The following LINGO2 variants were observed in gnomAD, a reference collection of about 807,000 sequenced individuals.
LINGO2 encodes the protein leucine rich repeat and Ig domain containing 2, also known as leucine-rich repeat and immunoglobulin-like domain-containing nogo receptor-interacting protein 2.
LINGO2 carries 14 observed loss-of-function variants against 30.6 expected under a neutral mutation model. That is an observed-to-expected ratio of 0.46 (90% CI 0.30 to 0.72). The LOEUF (loss-of-function observed/expected upper bound fraction) is 0.72, where lower values mean the gene tolerates loss of function less well. LINGO2 is among the 30% of genes least tolerant of loss of function. The probability of loss-of-function intolerance (pLI) is 0.07; values close to 1 mark genes in which losing one functional copy is unlikely to be tolerated. For missense variants in LINGO2, 729 were observed against 751.7 expected, an observed-to-expected ratio of 0.97 and a Z score of 0.35; for synonymous variants, 317 against 288.5, an observed-to-expected ratio of 1.10 and a Z score of -1.00.
At chr9:28,580,903 G>T (rs1268297674) in intron 1 of LINGO2, among the ~76,000 whole-genome samples, 1 of 151,876 alleles carries the variant, frequency 6.6e-6, no homozygotes, top group Non-Finnish European at 1.5e-5. Context: ...AGTGACAGTT[G>T]AACCTTTAAA....
chr9:28,757,409 G>C, the LINGO2 span, among the ~76,000 whole-genome samples: 2 of 151,946 alleles, frequency 1.3e-5, no homozygotes, highest in Non-Finnish European at 2.9e-5. Flanking sequence ...TGGTTTTGGA[G>C]CCAGGATGGT....
chr9:28,079,093 T>C (rs1825704596), intron 4 of LINGO2, among the ~76,000 whole-genome samples: 1 of 145,020 alleles, frequency 6.9e-6, no homozygotes, highest in Non-Finnish European at 1.5e-5. Context: ...TAAGTGAAGA[T>C]ATATTTGTTA....
chr9:28,522,061 C>T (rs1820849769), intron 1 of LINGO2, among the ~76,000 whole-genome samples: 1 of 152,144 alleles, frequency 6.6e-6, no homozygotes, highest in African/African-American at 2.4e-5. Context: ...TTTTAAGTTG[C>T]CCAGTTCATG....
the LINGO2 span, among the ~76,000 whole-genome samples, chr9:29,150,595 A>C: frequency 2.0e-5 from 3 of 152,214 alleles, no homozygotes; most frequent in Non-Finnish European, 4.4e-5. Context: ...TCTGGAACTG[A>C]AAAATTCACG....
chr9:28,128,873 G>C (rs1482595620), intron 4 of LINGO2, among the ~76,000 whole-genome samples: 4 of 152,120 alleles, frequency 2.6e-5, no homozygotes, highest in Non-Finnish European at 5.9e-5. Context: ...ATGAACATTT[G>C]AGTCAGTGGA....
At chr9:28,428,558 G>T (rs985608458) in intron 2 of LINGO2, among the ~76,000 whole-genome samples, 1 of 152,130 alleles carries the variant, frequency 6.6e-6, no homozygotes, top group Non-Finnish European at 1.5e-5. Context: ...ACAACTGCTT[G>T]GCAATGCAGC....
At chr9:28,939,966 T>G in the LINGO2 span, among the ~76,000 whole-genome samples, 1 of 152,322 alleles carries the variant, frequency 6.6e-6, no homozygotes, top group Admixed American at 6.5e-5. Flanking sequence ...CTGTTTAATT[T>G]GTCAATACTT....
At chr9:28,029,675 A>AATTG (rs1823566880) in intron 4 of LINGO2, among the ~76,000 whole-genome samples, 1 of 152,204 alleles carries the variant, frequency 6.6e-6, no homozygotes, top group Non-Finnish European at 1.5e-5. Flanking sequence ...AGATAGTCAA[A>AATTG]ACTAATAATT....
chr9:28,050,868 A>T (rs959620764), intron 4 of LINGO2, among the ~76,000 whole-genome samples: 4 of 151,032 alleles, frequency 2.6e-5, no homozygotes, highest in African/African-American at 9.8e-5. Flanking sequence ...GATTTTATAT[A>T]AGTTGAAAGA....
At chr9:28,477,922 A>C (rs1431933788) in intron 1 of LINGO2, among the ~76,000 whole-genome samples, 2 of 152,082 alleles carry the variant, frequency 1.3e-5, no homozygotes, top group Admixed American at 6.6e-5. Context: ...GTTCTTTTCC[A>C]TTTTTCCACT....
chr9:27,993,874 A>C (rs1271781004), intron 5 of LINGO2, among the ~76,000 whole-genome samples: 1 of 152,076 alleles, frequency 6.6e-6, no homozygotes, highest in Non-Finnish European at 1.5e-5. Flanking sequence ...AGCACCTGGA[A>C]CATTTTGCAA....
At chr9:28,024,305 C>A (rs1823273683) in intron 4 of LINGO2, among the ~76,000 whole-genome samples, 1 of 152,168 alleles carries the variant, frequency 6.6e-6, no homozygotes, top group African/African-American at 2.4e-5. Flanking sequence ...AGGGTGGCAT[C>A]TAGTTTGTGC....
rs570142985 is a variant in LINGO2 at position 28,167,664 on chromosome 9, G to C, written c.-87+127544C>G. 5.3e-5 allele frequency among the ~76,000 whole-genome samples: 8 copies of C among 152,300 alleles called. No homozygotes were observed. In the East Asian group the frequency reaches 1.5e-3, roughly 29 times the overall value. ...GGCCTCCCAGAGTATTGGGATTACA[G>C]GTGTGAGCCACTGCACCCCACCTAT... On this transcript the variant is annotated intron_variant, in intron 4 of 5. Transcript: ENST00000379992.
chr9:29,034,097 C>A, the LINGO2 span, among the ~76,000 whole-genome samples: 3 of 150,558 alleles, frequency 2.0e-5, no homozygotes, highest in East Asian at 5.8e-4. Context: ...AAAAAAGAAA[C>A]ATAATAATCA....
chr9:29,074,223 T>C, the LINGO2 span, among the ~76,000 whole-genome samples: 5 of 152,144 alleles, frequency 3.3e-5, no homozygotes, highest in South Asian at 2.1e-4. Context: ...TACATAAATG[T>C]ATCAATATGT....
Position 28,611,433 on chromosome 9 carries a change from A to G in LINGO2, c.-365+58767T>C, listed in dbSNP as rs189201695. ...CTCTCTCAGCATATTTCAAGCATAC[A>G]ATATAGTATTAGTAACTACAGGCAC... is the stretch of plus-strand genomic sequence containing the variant. On this transcript the variant is annotated intron_variant, in intron 1 of 5. Transcript: ENST00000379992. 6.8e-3 allele frequency among the ~76,000 whole-genome samples: 1,031 copies of G among 152,060 alleles called. 5 individuals carry two copies. Among genetic ancestry groups the G allele is most frequent in the Non-Finnish European group, 0.011 (752 of 67,976 alleles).
At chr9:28,782,511 C>A in the LINGO2 span, among the ~76,000 whole-genome samples, 1 of 152,200 alleles carries the variant, frequency 6.6e-6, no homozygotes, top group Non-Finnish European at 1.5e-5. Flanking sequence ...AGAGGTTGTA[C>A]GTCAGTATGT....
At chr9:29,085,153 G>A in the LINGO2 span, among the ~76,000 whole-genome samples, 25 of 151,592 alleles carry the variant, frequency 1.6e-4, no homozygotes, top group Non-Finnish European at 3.4e-4. Flanking sequence ...CATAGCTGCA[G>A]GATTCAAAAT....
chr9:28,505,990 G>A (rs965496765), intron 1 of LINGO2, among the ~76,000 whole-genome samples: 2 of 151,622 alleles, frequency 1.3e-5, no homozygotes, highest in Non-Finnish European at 2.9e-5. Flanking sequence ...ATATCTCTAG[G>A]TCCAGCAACT....
Sources: allele counts gnomAD v4.1 joint callset (sites outside exome capture counted in the v4.1 genomes callset), GRCh38; gene constraint gnomAD v4.1.1; transcripts MANE v1.5; gene names NCBI Gene and HGNC (gene_info 2026-07-23, HGNC 2026-07-21).